The following TMEM209 variants were observed in gnomAD, a reference collection of about 807,000 sequenced individuals.
TMEM209 encodes testicular tissue protein Li 202.
A neutral mutation model predicts 76.2 loss-of-function variants in TMEM209; 65 were observed. That is an observed-to-expected ratio of 0.85 (90% CI 0.70 to 1.05). The LOEUF (loss-of-function observed/expected upper bound fraction) is 1.05, where lower values mean the gene tolerates loss of function less well. TMEM209 is among the 50% of genes least tolerant of loss of function. TMEM209 has a pLI of 0.00. For missense variants in TMEM209, 623 were observed against 685.5 expected, an observed-to-expected ratio of 0.91 and a Z score of 1.02; for synonymous variants, 239 against 237.6, an observed-to-expected ratio of 1.01 and a Z score of -0.06.
intron 6 of TMEM209, among the ~76,000 whole-genome samples, chr7:130,186,519 G>A (rs936003964): frequency 4.6e-5 from 7 of 152,154 alleles, no homozygotes; most frequent in Non-Finnish European, 1.0e-4. Context: ...TTAATAAATA[G>A]AGAACAGAAA....
Position 130,178,461 on chromosome 7 carries a change from G to A in TMEM209, c.1187C>T (p.Thr396Ile). The A allele has an allele frequency of 1.2e-6, 2 of 1,613,736 alleles. No individual in the cohort carries two copies. The highest frequency in any genetic ancestry group is 8.5e-7 in the Non-Finnish European group (1 of 1,179,770). The change falls in exon 10 of 15, where the codon ACA becomes ATA. Residue 396 changes from threonine (T) to isoleucine (I), a missense_variant. Thr to Ile is a moderately conservative substitution (Grantham distance 89). Coordinates refer to ENST00000397622, the MANE Select transcript of TMEM209 (RefSeq NM_032842.4). ...VKAPLIPTLNTIVQYLDLTPN... is the reference protein window; with the variant it reads ...VKAPLIPTLNIIVQYLDLTPN... ...AGTAAGGTCTAGATACTGAACGATT[G>A]TGTTCAAAGTCGGAATGAGAGGCGC...
In TMEM209 at chr7:130,165,718, A is replaced by C. The variant is rs1369144608; in HGVS notation, c.*733T>G. On this transcript the variant is annotated 3_prime_UTR_variant, in exon 15 of 15. Transcript: ENST00000397622. ...AAACATTAAAAAAAAAAAAAAAAAA[A>C]CTAAATCAGCAATTTTCTTACTTTC... The C allele has an allele frequency of 6.7e-6, 1 of 149,714 alleles. No individual in the cohort carries two copies. Among genetic ancestry groups the C allele is most frequent in the Non-Finnish European group, 1.5e-5 (1 of 67,492 alleles). 9.3% of individuals were successfully genotyped at this position (149,714 alleles called of 1,614,324 possible). A position where few individuals can be genotyped will look rare whatever the true frequency, so the allele number is the denominator to read the frequency against.
At chr7:130,205,244 C>T in intron 1 of TMEM209, 129 bp downstream of exon 1, 1 of 1,605,226 alleles carries the variant, frequency 6.2e-7, no homozygotes, top group Non-Finnish European at 8.5e-7. Context: ...TTCTTCCCTT[C>T]CCCTAGAGAG....
intron 2 of TMEM209, 40 bp downstream of exon 2, chr7:130,203,934 G>A: frequency 6.2e-7 from 1 of 1,606,092 alleles, no homozygotes; most frequent in Non-Finnish European, 8.5e-7. Flanking sequence ...CCAGCCACTG[G>A]CTTCTTAAAG....
rs1300552995 is a variant in TMEM209 at position 130,196,951 on chromosome 7, G to A, written c.574-4128C>T. 2.0e-5 allele frequency among the ~76,000 whole-genome samples: 3 copies of A among 152,176 alleles called. 1 individual carries two copies. Among genetic ancestry groups the A allele is most frequent in the Admixed American group, 2.0e-4 (3 of 15,278 alleles). On this transcript the variant is annotated intron_variant, in intron 5 of 14. Coordinates refer to ENST00000397622, the MANE Select transcript of TMEM209 (RefSeq NM_032842.4). ...GCTACAAACCATGGTATGGGGCCAG[G>A]TGTGGTGGCTCATGCCTGTAATCCC...
At chr7:130,201,373 G>A (rs1218475409) in intron 5 of TMEM209, among the ~76,000 whole-genome samples, 2 of 151,878 alleles carry the variant, frequency 1.3e-5, no homozygotes, top group Non-Finnish European at 2.9e-5. Context: ...GGAAATGAAG[G>A]TTCCTACTAT....
chr7:130,175,374 G>A, intron 11 of TMEM209, 138 bp downstream of exon 11: 1 of 709,136 alleles, frequency 1.4e-6, no homozygotes, highest in Non-Finnish European at 2.2e-6. Flanking sequence ...GCTGGGAGGA[G>A]CACTTGAGCC....
intron 8 of TMEM209, 29 bp downstream of exon 8, chr7:130,184,155 A>G: frequency 1.3e-6 from 2 of 1,505,844 alleles, no homozygotes; most frequent in African/African-American, 2.8e-5. Context: ...AGGCACTAAT[A>G]TTGTCCAAAG....
Position 130,205,397 on chromosome 7 carries a change from G to C in TMEM209, c.-22C>G. The C allele has an allele frequency of 6.2e-7, 1 of 1,613,688 alleles. No individual in the cohort carries two copies. Reference sequence around the variant, plus strand: ...CCATGTCCTCTGGCCGGAAAACGCAGGCTCGCGCCACTCTCTCTGGGCATG... The same window carrying C: ...CCATGTCCTCTGGCCGGAAAACGCACGCTCGCGCCACTCTCTCTGGGCATG... On this transcript the variant is annotated 5_prime_UTR_variant, in exon 1 of 15. Transcript: ENST00000397622.
Position 130,170,435 on chromosome 7 carries a change from GAGAAACATCA to G in TMEM209, c.1586_1595del (p.Leu529SerfsTer4). The stretch of plus-strand genomic sequence containing the variant: ...CTGACTCTTTGGTCTTTATGATGTA[GAGAAACATCA>G]ACAATGTATGAAACATATTATTTCT... On this transcript the variant is annotated frameshift_variant, in exon 14 of 15. Transcript: ENST00000397622. LOFTEE classifies it high-confidence loss of function. 1.2e-6 allele frequency: 2 copies of G among 1,613,140 alleles called. No individual in the cohort carries two copies. The highest frequency in any genetic ancestry group is 1.7e-6 in the Non-Finnish European group (2 of 1,179,696).
intron 5 of TMEM209, among the ~76,000 whole-genome samples, chr7:130,194,790 CTTATT>C (rs1333918094): frequency 1.3e-5 from 2 of 152,068 alleles, no homozygotes; most frequent in African/African-American, 2.4e-5. Flanking sequence ...ACTTGGATTA[CTTATT>C]TTATTTAAAT....
At chr7:130,167,024 C>G (rs1256825454) in intron 14 of TMEM209, among the ~76,000 whole-genome samples, 10 of 151,930 alleles carry the variant, frequency 6.6e-5, no homozygotes, top group Admixed American at 2.0e-4. Flanking sequence ...TATTCAAAGT[C>G]TGAGGGAATA....
intron 10 of TMEM209, among the ~76,000 whole-genome samples, chr7:130,176,099 CAGTGTTCA>C (rs1280736796): frequency 6.7e-6 from 1 of 149,178 alleles, no homozygotes; most frequent in Non-Finnish European, 1.5e-5. Flanking sequence ...TAGAACAAGA[CAGTGTTCA>C]CTGTATTCTT....
intron 5 of TMEM209, among the ~76,000 whole-genome samples, chr7:130,201,593 T>C (rs977603367): frequency 1.3e-5 from 2 of 152,172 alleles, no homozygotes; most frequent in Admixed American, 6.5e-5. Flanking sequence ...ATTATCCTTG[T>C]TTCAACTTGT....
chr7:130,181,136 T>C (rs1797398525), intron 9 of TMEM209, among the ~76,000 whole-genome samples: 1 of 152,164 alleles, frequency 6.6e-6, no homozygotes, highest in Non-Finnish European at 1.5e-5. Context: ...ATAAAGAAAA[T>C]GATGTAATGA....
rs904991250 is a variant in TMEM209 at position 130,181,702 on chromosome 7, T to C, written c.1041A>G (p.Ile347Met). The change falls in exon 9 of 15, where the codon ATA becomes ATG. Residue 347 changes from isoleucine to methionine, a missense_variant. Ile to Met is a conservative substitution (Grantham distance 10). Transcript: ENST00000397622. ...CAATCTCTTGAACAAGTGGCACTAA[T>C]ATTGTCTCATTGATCCACTAGAAGA... ...AKFRNWINETILVPLVQEIES... is the reference protein window; with the variant it reads ...AKFRNWINETMLVPLVQEIES... The C allele has an allele frequency of 1.9e-6, 3 of 1,609,362 alleles. No homozygotes were observed. Among genetic ancestry groups the C allele is most frequent in the African/African-American group, 1.3e-5 (1 of 74,922 alleles).
chr7:130,178,414 C>T lies in TMEM209; in HGVS notation c.1234G>A (p.Glu412Lys). 6.2e-7 allele frequency: 1 copy of T among 1,610,842 alleles called. No homozygotes were observed. The highest frequency in any genetic ancestry group is 8.5e-7 in the Non-Finnish European group (1 of 1,178,284). ...AATCAATAATTACCTTTGATCCTTTCAAACAAGTATTCCTGATTTGGAGTA... is the reference window on the plus strand; with the variant it reads ...AATCAATAATTACCTTTGATCCTTTTAAACAAGTATTCCTGATTTGGAGTA... Reference protein sequence around the residue: ...DLTPNQEYLFERIKELSQGGC... With the variant: ...DLTPNQEYLFKRIKELSQGGC... The change falls in exon 10 of 15, where the codon GAA becomes AAA. Residue 412 changes from glutamate to lysine, a missense_variant. Glu to Lys is a moderately conservative substitution (Grantham distance 56, BLOSUM62 1). Coordinates refer to ENST00000397622, the MANE Select transcript of TMEM209 (RefSeq NM_032842.4).
At chr7:130,200,141 T>TTC (rs375626636) in intron 5 of TMEM209, among the ~76,000 whole-genome samples, 179 of 150,922 alleles carry the variant, frequency 1.2e-3, no homozygotes, top group African/African-American at 3.8e-3. Flanking sequence ...CATTTAAAGT[T>TTC]TCTCTCTCTC....
chr7:130,178,663 C>G (rs1797318533), intron 9 of TMEM209, 136 bp from the exon 10 acceptor site: 1 of 896,752 alleles, frequency 1.1e-6, no homozygotes, highest in African/African-American at 1.7e-5. Context: ...ATGACGTCTC[C>G]CCTGACGACC....
Sources: gnomAD v4.1 joint callset for allele counts (sites outside exome capture counted in the v4.1 genomes callset) on GRCh38, gnomAD v4.1.1 for gene constraint, MANE v1.5 for transcripts, NCBI Gene and HGNC (gene_info 2026-07-23, HGNC 2026-07-21) for gene names.